Variants in MB21D2 observed in about 807,000 individuals in gnomAD.
MB21D2 encodes the protein nucleotidyltransferase MB21D2.
Under a neutral mutation model 33.3 loss-of-function variants are expected in MB21D2, and 9 were observed. The ratio of observed to expected loss-of-function variants is 0.27; its 90% confidence interval spans 0.16 to 0.47. MB21D2 has a LOEUF of 0.47. Ranked by LOEUF, MB21D2 falls within the 20% of genes least tolerant of loss-of-function variation. MB21D2 has a pLI of 0.99. For synonymous variants in MB21D2, 241 were observed against 236.3 expected (o/e 1.02, Z -0.18); for missense variants, 540 against 624.6 (o/e 0.86, Z 1.44).
chr3:192,830,392 C>G (rs1162246843), intron 1 of MB21D2, among the ~76,000 whole-genome samples: 1 of 152,092 alleles, frequency 6.6e-6, no homozygotes, highest in Non-Finnish European at 1.5e-5. Flanking sequence ...ACCCCCACCC[C>G]CTGCAAGCTA....
chr3:192,853,240 C>A (rs7613466), intron 1 of MB21D2, among the ~76,000 whole-genome samples: 1,820 of 152,306 alleles, frequency 0.012, 34 homozygotes, highest in African/African-American at 0.042. Flanking sequence ...TCTCCCACTT[C>A]TGGACACTCA....
intron 1 of MB21D2, among the ~76,000 whole-genome samples, chr3:192,823,638 A>G (rs936877043): frequency 8.5e-5 from 13 of 152,136 alleles, no homozygotes; most frequent in African/African-American, 3.1e-4. Flanking sequence ...CTGGGAAACA[A>G]GAGTGGAACT....
chr3:192,806,185 C>A (rs1002350723), intron 1 of MB21D2, among the ~76,000 whole-genome samples: 1 of 152,164 alleles, frequency 6.6e-6, no homozygotes, highest in Non-Finnish European at 1.5e-5. Context: ...AGGGTCTTGA[C>A]CTGAACTAAA....
rs1026502384 is a variant in MB21D2 at position 192,907,283 on chromosome 3, T to C, written c.211+10347A>G. Among the ~76,000 whole-genome samples, 21 of 152,108 alleles carry C rather than the reference T, an allele frequency of 1.4e-4. 1 individual carries two copies. The highest frequency in any genetic ancestry group is 1.1e-3 in the Admixed American group (17 of 15,282). On this transcript the variant is annotated intron_variant, in intron 1 of 1. Coordinates refer to ENST00000392452, the MANE Select transcript of MB21D2 (RefSeq NM_178496.4). ...ATCAGACCTAGGGAATGAATGTCTA[T>C]AGGGCTTGTATTTACTCATTCCACT...
At chr3:192,834,465 T>C (rs937674114) in intron 1 of MB21D2, among the ~76,000 whole-genome samples, 6 of 146,170 alleles carry the variant, frequency 4.1e-5, no homozygotes, top group Non-Finnish European at 7.6e-5. Flanking sequence ...AAGACAAAAA[T>C]CCAGATTTTC....
chr3:192,877,889 T>C (rs1713467501), intron 1 of MB21D2, among the ~76,000 whole-genome samples: 1 of 151,752 alleles, frequency 6.6e-6, no homozygotes, highest in Non-Finnish European at 1.5e-5. Context: ...TGTCAGAACT[T>C]GAAAGGGCCA....
At chr3:192,916,501 T>C (rs1714468448) in intron 1 of MB21D2, among the ~76,000 whole-genome samples, 1 of 152,146 alleles carries the variant, frequency 6.6e-6, no homozygotes, top group African/African-American at 2.4e-5. Context: ...GCTTATCTAT[T>C]TGTAGAGAGC....
intron 1 of MB21D2, among the ~76,000 whole-genome samples, chr3:192,847,856 T>A (rs1048151606): frequency 2.0e-5 from 3 of 152,106 alleles, no homozygotes; most frequent in Non-Finnish European, 4.4e-5. Flanking sequence ...GGTAAAAATA[T>A]CCTAGATGAG....
chr3:192,876,580 C>T (rs191780204), intron 1 of MB21D2, among the ~76,000 whole-genome samples: 3 of 152,288 alleles, frequency 2.0e-5, no homozygotes, highest in Non-Finnish European at 2.9e-5. Flanking sequence ...CCACTTAAAA[C>T]GCTGCAATAG....
At position 192,847,785 on chromosome 3, in the gene MB21D2, A is replaced by G. The variant is rs1391577499; in HGVS notation, c.212-48135T>C. Among the ~76,000 whole-genome samples, 4 of 152,350 alleles carry G rather than the reference A, an allele frequency of 2.6e-5. No individual in the cohort carries two copies. The East Asian group carries it at 7.7e-4, about 29-fold the overall frequency. ...ATAACACTCTTCCCTGGGGAACTAGAGACAAAAATGATTATTTGGACATGA... is the reference window on the plus strand; with the variant it reads ...ATAACACTCTTCCCTGGGGAACTAGGGACAAAAATGATTATTTGGACATGA... On this transcript the variant is annotated intron_variant, in intron 1 of 1. Transcript: ENST00000392452.
chr3:192,807,119 T>G (rs2108610546), intron 1 of MB21D2, among the ~76,000 whole-genome samples: 1 of 152,256 alleles, frequency 6.6e-6, no homozygotes, highest in East Asian at 1.9e-4. Context: ...ATCAATATAT[T>G]TTTTCCCATC....
intron 1 of MB21D2, among the ~76,000 whole-genome samples, chr3:192,893,565 A>C (rs1713900831): frequency 6.6e-6 from 1 of 152,182 alleles, no homozygotes; most frequent in Non-Finnish European, 1.5e-5. Context: ...TGTATGGGAA[A>C]ACATCGCATT....
chr3:192,848,322 A>G (rs1033953530), intron 1 of MB21D2, among the ~76,000 whole-genome samples: 1 of 152,198 alleles, frequency 6.6e-6, no homozygotes, highest in African/African-American at 2.4e-5. Flanking sequence ...TATCCCACAA[A>G]TCTCTAATGG....
At chr3:192,859,621 CACAGT>C (rs151224537) in intron 1 of MB21D2, among the ~76,000 whole-genome samples, 8,858 of 152,168 alleles carry the variant, frequency 0.058, 844 homozygotes, top group African/African-American at 0.2. Context: ...GCACTTTATC[CACAGT>C]ACCAAGCCCA....
At chr3:192,901,708 A>C (rs1714107539) in intron 1 of MB21D2, among the ~76,000 whole-genome samples, 1 of 152,232 alleles carries the variant, frequency 6.6e-6, no homozygotes, top group Non-Finnish European at 1.5e-5. Context: ...TCACAGCACT[A>C]AAGAGGCCAA....
chr3:192,859,359 C>T (rs1560241501), intron 1 of MB21D2, among the ~76,000 whole-genome samples: 1 of 152,218 alleles, frequency 6.6e-6, no homozygotes, highest in Admixed American at 6.5e-5. Context: ...AAACCACCCC[C>T]ACCCCCGACA....
At chr3:192,836,200 T>C (rs1055416077) in intron 1 of MB21D2, among the ~76,000 whole-genome samples, 5 of 152,228 alleles carry the variant, frequency 3.3e-5, no homozygotes, top group Admixed American at 2.6e-4. Context: ...CTAACAGAGA[T>C]AATCTCAGAG....
intron 1 of MB21D2, among the ~76,000 whole-genome samples, chr3:192,815,836 G>C (rs1389216710): frequency 1.3e-5 from 2 of 152,120 alleles, no homozygotes; most frequent in Non-Finnish European, 1.5e-5. Flanking sequence ...CCATCAGATA[G>C]GGATGGATTT....
intron 1 of MB21D2, among the ~76,000 whole-genome samples, chr3:192,884,468 T>G (rs570419635): frequency 3.0e-4 from 45 of 151,712 alleles, no homozygotes; most frequent in Admixed American, 4.6e-4. Flanking sequence ...CCGGGTTCAC[T>G]CCATTCTCCT....
Sources: gnomAD v4.1 joint callset for allele counts (sites outside exome capture counted in the v4.1 genomes callset) on GRCh38, gnomAD v4.1.1 for gene constraint, MANE v1.5 for transcripts, NCBI Gene and HGNC (gene_info 2026-07-23, HGNC 2026-07-21) for gene names.